TMEM164: variants seen among roughly 807,000 people sequenced by gnomAD.
The protein encoded by TMEM164 is transmembrane protein 164, also known as RP13-360B22.2.
Under a neutral mutation model 18.8 loss-of-function variants are expected in TMEM164, and 4 were observed. That is an observed-to-expected ratio of 0.21 (90% CI 0.10 to 0.49). The LOEUF (loss-of-function observed/expected upper bound fraction) is 0.49, where lower values mean the gene tolerates loss of function less well. Among genes scored for constraint, TMEM164 ranks in the 20% least tolerant of loss-of-function variants. The probability of loss-of-function intolerance (pLI) is 0.98; values close to 1 mark genes in which losing one functional copy is unlikely to be tolerated. For synonymous variants in TMEM164, 86 were observed against 101.7 expected, an observed-to-expected ratio of 0.85 and a Z score of 0.93; for missense variants, 108 against 239.9, an observed-to-expected ratio of 0.45 and a Z score of 3.63.
intron 4 of TMEM164, among the ~76,000 whole-genome samples, chrX:110,127,877 G>A (rs1253011445): frequency 8.9e-6 from 1 of 111,980 alleles, no homozygotes; most frequent in African/African-American, 3.3e-5. Flanking sequence ...CCCTGCGTAT[G>A]ATAGAGCATG....
intron 2 of TMEM164, among the ~76,000 whole-genome samples, chrX:110,015,094 C>G (rs1397580396): frequency 1.8e-5 from 2 of 111,986 alleles, no homozygotes; most frequent in African/African-American, 6.5e-5. Context: ...GCTCTGGGGC[C>G]TCGTTTTCAA....
intron 4 of TMEM164, among the ~76,000 whole-genome samples, chrX:110,109,454 G>GT (rs1225161100): frequency 8.9e-6 from 1 of 111,995 alleles, no homozygotes; most frequent in Non-Finnish European, 1.9e-5. Context: ...GGTGGCAGAG[G>GT]TTGCAGTGAG....
intron 5 of TMEM164, among the ~76,000 whole-genome samples, chrX:110,161,581 G>A (rs185468885): frequency 1.3e-3 from 143 of 111,941 alleles, no homozygotes; most frequent in Non-Finnish European, 1.9e-3. Context: ...TCCTTTGTGG[G>A]AGCAAATGGT....
At chrX:110,023,830 G>A (rs912437187) in intron 2 of TMEM164, among the ~76,000 whole-genome samples, 6 of 111,681 alleles carry the variant, frequency 5.4e-5, no homozygotes, top group Admixed American at 9.5e-5. Context: ...TTATATTTTT[G>A]TATTGACGAA....
chrX:110,077,076 G>T (rs1307694202), intron 3 of TMEM164, among the ~76,000 whole-genome samples: 2 of 111,827 alleles, frequency 1.8e-5, no homozygotes, highest in Non-Finnish European at 3.8e-5. Context: ...CATTATTATT[G>T]TGTGGCTATC....
chrX:110,166,203 C>T (rs896853116), intron 5 of TMEM164, among the ~76,000 whole-genome samples: 10 of 112,110 alleles, frequency 8.9e-5, no homozygotes, highest in Admixed American at 7.6e-4. Flanking sequence ...ACCTCTCCTT[C>T]CTTCAAGGCC....
chrX:110,017,318 A>G (rs1049497918), intron 2 of TMEM164, among the ~76,000 whole-genome samples: 18 of 112,160 alleles, frequency 1.6e-4, no homozygotes, highest in African/African-American at 5.2e-4. Flanking sequence ...GCTCACTATT[A>G]GAGAAATGGA....
At chrX:110,169,898 A>G (rs776385369) in intron 5 of TMEM164, among the ~76,000 whole-genome samples, 48 of 110,940 alleles carry the variant, frequency 4.3e-4, no homozygotes, top group African/African-American at 1.5e-3. Flanking sequence ...AGTGTCTCTT[A>G]GGCCCTGGTC....
chrX:110,015,372 G>C (rs1933291553), intron 2 of TMEM164, among the ~76,000 whole-genome samples: 1 of 112,078 alleles, frequency 8.9e-6, no homozygotes, highest in South Asian at 3.7e-4. Flanking sequence ...CTGGTTTAGA[G>C]GGCATTTCTA....
intron 5 of TMEM164, among the ~76,000 whole-genome samples, chrX:110,169,831 G>T (rs746585793): frequency 1.7e-4 from 19 of 111,742 alleles, no homozygotes; most frequent in Admixed American, 1.5e-3. Context: ...CTGAGTGGTG[G>T]TTGCCCTCTT....
intron 2 of TMEM164, among the ~76,000 whole-genome samples, chrX:110,026,181 G>A (rs1258197570): frequency 8.9e-6 from 1 of 112,246 alleles, no homozygotes; most frequent in South Asian, 3.7e-4. Flanking sequence ...CCTGGCATTA[G>A]CTGTCTGAAG....
chrX:110,142,722 C>T (rs1320406677), intron 4 of TMEM164, among the ~76,000 whole-genome samples: 5 of 113,161 alleles, frequency 4.4e-5, no homozygotes, highest in African/African-American at 6.4e-5. Flanking sequence ...GATGCCAAAA[C>T]GGAGGTGGAG....
At chrX:110,035,749 C>T (rs1330248010) in intron 2 of TMEM164, among the ~76,000 whole-genome samples, 4 of 108,995 alleles carry the variant, frequency 3.7e-5, no homozygotes, top group Non-Finnish European at 5.7e-5. Flanking sequence ...AAGTGATCCG[C>T]CCACTTCGGC....
chrX:110,067,277 A>G (rs1264271838), intron 2 of TMEM164, 70 bp from the exon 3 acceptor site: 1 of 1,039,551 alleles, frequency 9.6e-7, no homozygotes, highest in African/African-American at 1.9e-5. Context: ...TGTTATTGTT[A>G]AAGTAACATT....
intron 4 of TMEM164, among the ~76,000 whole-genome samples, chrX:110,121,392 C>A (rs1405390690): frequency 8.9e-6 from 1 of 112,015 alleles, no homozygotes; most frequent in Non-Finnish European, 1.9e-5. Flanking sequence ...AACCACTAAT[C>A]TACTTTCTGT....
At chrX:110,118,929 T>G (rs563246386) in intron 4 of TMEM164, among the ~76,000 whole-genome samples, 6 of 111,850 alleles carry the variant, frequency 5.4e-5, no homozygotes, top group African/African-American at 1.6e-4. Flanking sequence ...CTGGTAGATA[T>G]CTATAGATAG....
chrX:110,158,583 G>C (rs1287562932), intron 5 of TMEM164, among the ~76,000 whole-genome samples: 1 of 112,444 alleles, frequency 8.9e-6, no homozygotes, highest in African/African-American at 3.2e-5. Context: ...CAGGCATCCA[G>C]TATCTTTAGT....
At chrX:110,101,290 T>C (rs995831151) in intron 3 of TMEM164, among the ~76,000 whole-genome samples, 3 of 112,134 alleles carry the variant, frequency 2.7e-5, no homozygotes, top group Non-Finnish European at 3.8e-5. Context: ...TGATTTTAAC[T>C]ATGAATTCAA....
chrX:110,105,832 T>A (rs2066193302), intron 3 of TMEM164, among the ~76,000 whole-genome samples: 1 of 99,627 alleles, frequency 1.0e-5, no homozygotes, highest in Admixed American at 1.2e-4. Flanking sequence ...TAAAGCAGAG[T>A]ACAATGGCAA....
Sources: allele counts gnomAD v4.1 joint callset (sites outside exome capture counted in the v4.1 genomes callset), GRCh38; gene constraint gnomAD v4.1.1; transcripts MANE v1.5; gene names NCBI Gene and HGNC (gene_info 2026-07-23, HGNC 2026-07-21).